Variants in SCFD1 observed in about 807,000 individuals in gnomAD.
SCFD1 encodes sec1 family domain containing 1, also known as sec1 family domain-containing protein 1.
A neutral mutation model predicts 103.2 loss-of-function variants in SCFD1; 37 were observed. That is an observed-to-expected ratio of 0.36 (90% CI 0.28 to 0.47). The LOEUF is 0.47. Ranked by LOEUF, SCFD1 falls within the 20% of genes least tolerant of loss-of-function variation. The pLI is 1.00. For missense variants in SCFD1, 639 were observed against 761.2 expected (o/e 0.84, Z 1.89); for synonymous variants, 264 against 245.0 (o/e 1.08, Z -0.73).
intron 15 of SCFD1, among the ~76,000 whole-genome samples, chr14:30,699,553 T>C (rs1890932828): frequency 6.6e-6 from 1 of 152,230 alleles, no homozygotes; most frequent in African/African-American, 2.4e-5. Flanking sequence ...TGAAGTCTTA[T>C]GTTTTGTCTT....
intron 7 of SCFD1, among the ~76,000 whole-genome samples, chr14:30,643,646 T>G (rs1221395743): frequency 6.6e-6 from 1 of 152,222 alleles, no homozygotes; most frequent in Non-Finnish European, 1.5e-5. Flanking sequence ...GTTATAATTT[T>G]CTACCATATT....
rs1318511995 is a variant in SCFD1 at position 30,727,089 on chromosome 14, A to G, written c.1836+4530A>G. Among the ~76,000 whole-genome samples the G allele has an allele frequency of 5.9e-5, 9 of 152,096 alleles. No homozygotes were observed. The South Asian group carries it at 1.0e-3, about 18-fold the overall frequency. On this transcript the variant is annotated intron_variant, in intron 23 of 24. Transcript: ENST00000458591. The stretch of plus-strand genomic sequence containing the variant: ...TTATTCTCAGCAAAAGATCAGGGCT[A>G]TAAGTGTGTAAGCCCACCTAGTTAT...
intron 15 of SCFD1, among the ~76,000 whole-genome samples, chr14:30,697,096 C>T (rs1021648792): frequency 6.6e-6 from 1 of 151,984 alleles, no homozygotes; most frequent in Non-Finnish European, 1.5e-5. Flanking sequence ...TCATGTATTC[C>T]GTAACTCTGC....
chr14:30,668,637 T>C (rs1041074171), intron 10 of SCFD1, among the ~76,000 whole-genome samples: 3 of 152,120 alleles, frequency 2.0e-5, no homozygotes, highest in Non-Finnish European at 2.9e-5. Flanking sequence ...AGAAAATTTT[T>C]ACAATCTACC....
intron 10 of SCFD1, among the ~76,000 whole-genome samples, chr14:30,659,173 G>GTT (rs542816136): frequency 6.9e-5 from 8 of 116,394 alleles, no homozygotes; most frequent in East Asian, 2.6e-4. Context: ...AGCTGCTATA[G>GTT]TTTTTTTTTT....
At chr14:30,714,726 ACAAT>A (rs760373758) in intron 19 of SCFD1, among the ~76,000 whole-genome samples, 25 of 152,312 alleles carry the variant, frequency 1.6e-4, no homozygotes, top group Non-Finnish European at 2.8e-4. Flanking sequence ...TGATCTATAA[ACAAT>A]CAGATTGAAT....
intron 2 of SCFD1, among the ~76,000 whole-genome samples, chr14:30,629,120 G>A (rs969503997): frequency 6.6e-6 from 1 of 152,016 alleles, no homozygotes; most frequent in African/African-American, 2.4e-5. Flanking sequence ...TTGAGCTTTT[G>A]GTTGAAATAG....
Position 30,684,821 on chromosome 14 carries a change from T to TTTA in SCFD1, c.1242+9757_1242+9758insTAT, listed in dbSNP as rs1889832722. Among the ~76,000 whole-genome samples, 4 of 141,536 alleles carry TTTA rather than the reference T, an allele frequency of 2.8e-5. No homozygotes were observed. The South Asian group carries it at 6.8e-4, about 24-fold the overall frequency. The allele number at this position is 141,536 out of a possible 152,430, so 92.9% of individuals were successfully genotyped here. A position where few individuals can be genotyped will look rare whatever the true frequency, so the allele number is the denominator to read the frequency against. On this transcript the variant is annotated intron_variant, in intron 14 of 24. Transcript: ENST00000458591. ...ATTGTTTCTTTTTTTTTTTTTTTTT[T>TTTA]TATTATACTCTAAGTTTTAGGGTAC...
chr14:30,710,490 T>C (rs1008822764), intron 19 of SCFD1, among the ~76,000 whole-genome samples: 21 of 151,836 alleles, frequency 1.4e-4, no homozygotes, highest in African/African-American at 1.9e-4. Context: ...AGAGAAAAAA[T>C]AGATGGTACT....
At chr14:30,637,020 C>T (rs777444892) in intron 4 of SCFD1, among the ~76,000 whole-genome samples, 23 of 152,098 alleles carry the variant, frequency 1.5e-4, no homozygotes, top group Admixed American at 4.6e-4. Flanking sequence ...AGACATTTTT[C>T]TGAGGAGCTC....
chr14:30,670,529 A>C (rs1282505086), intron 11 of SCFD1, 134 bp downstream of exon 11: 5 of 547,824 alleles, frequency 9.1e-6, no homozygotes, highest in Non-Finnish European at 1.6e-5. Flanking sequence ...GTAATTAGAT[A>C]GTCTGTAGAT....
At chr14:30,720,055 C>G (rs911381846) in intron 21 of SCFD1, among the ~76,000 whole-genome samples, 5 of 152,090 alleles carry the variant, frequency 3.3e-5, no homozygotes, top group African/African-American at 9.7e-5. Flanking sequence ...GTTGCCTGTT[C>G]CTTATGTTTG....
chr14:30,625,450 C>T (rs1883291756), intron 1 of SCFD1, among the ~76,000 whole-genome samples: 2 of 151,924 alleles, frequency 1.3e-5, no homozygotes, highest in South Asian at 2.1e-4. Context: ...GATGCTCAAC[C>T]TGTAGTATAT....
intron 7 of SCFD1, chr14:30,644,126 C>A: frequency 2.7e-6 from 1 of 363,874 alleles, no homozygotes; most frequent in Non-Finnish European, 5.5e-6. Flanking sequence ...TGTTAATTCC[C>A]TTAGAATAAT....
Position 30,735,792 on chromosome 14 carries a change from A to AAAT in SCFD1, c.*186_*188dup. ...GTATTGATTAAAAGAAACATTTCAG[A>AAAT]AATAAAATTTCAACATTGTTCATTT... On this transcript the variant is annotated 3_prime_UTR_variant, in exon 25 of 25. Coordinates refer to ENST00000458591, the MANE Select transcript of SCFD1 (RefSeq NM_016106.4). The AAAT allele has an allele frequency of 4.3e-6, 2 of 464,044 alleles. No homozygotes were observed. Among genetic ancestry groups the AAAT allele is most frequent in the Non-Finnish European group, 3.8e-6 (1 of 259,988 alleles). 28.7% of individuals were successfully genotyped at this position (464,044 alleles called of 1,614,324 possible).
intron 1 of SCFD1, among the ~76,000 whole-genome samples, chr14:30,625,788 G>A (rs1374193559): frequency 6.6e-6 from 1 of 151,968 alleles, no homozygotes; most frequent in Non-Finnish European, 1.5e-5. Context: ...TAATAAGTTA[G>A]CCAAGGCTCA....
chr14:30,706,439 A>G (rs1891475228), intron 18 of SCFD1, among the ~76,000 whole-genome samples: 1 of 151,882 alleles, frequency 6.6e-6, no homozygotes, highest in Admixed American at 6.6e-5. Context: ...CAAATTTTCT[A>G]CAACAAATAT....
chr14:30,719,365 G>C lies in SCFD1; in HGVS notation c.1724G>C (p.Arg575Pro). 1 of 1,605,606 alleles carries C rather than the reference G, an allele frequency of 6.2e-7. No individual in the cohort carries two copies. Among genetic ancestry groups the C allele is most frequent in the Non-Finnish European group, 8.5e-7 (1 of 1,176,534 alleles). ...AGATATTTTGATCCCAAAATGCTGC[G>C]GGGCAATGACAGGTAAGCAGCTTTT... is the stretch of plus-strand genomic sequence containing the variant. The part of the protein sequence containing the change: ...DYRYFDPKML[R>P]GNDSSVPRNK... The change falls in exon 21 of 25, where the codon CGG becomes CCG. Residue 575 changes from arginine (R) to proline (P), a missense_variant. Arg to Pro is a moderately radical substitution (Grantham distance 103). Transcript: ENST00000458591.
chr14:30,683,580 C>T, intron 14 of SCFD1: 2 of 256,368 alleles, frequency 7.8e-6, no homozygotes, highest in South Asian at 4.1e-5. Context: ...GTGGCTGGGT[C>T]GCAATTTTGG....
Sources: gnomAD v4.1 joint callset for allele counts (sites outside exome capture counted in the v4.1 genomes callset) on GRCh38, gnomAD v4.1.1 for gene constraint, MANE v1.5 for transcripts, NCBI Gene and HGNC (gene_info 2026-07-23, HGNC 2026-07-21) for gene names.